The following PCDHA6 variants were observed in gnomAD, a reference collection of about 807,000 sequenced individuals.
The protein encoded by PCDHA6 is protocadherin alpha 6, also known as protocadherin alpha-6.
PCDHA6 carries 55 observed loss-of-function variants against 60.3 expected under a neutral mutation model. The ratio of observed to expected loss-of-function variants is 0.91; its 90% CI spans 0.73 to 1.14. The LOEUF is 1.14. Ranked by LOEUF, PCDHA6 falls within the 50% of genes most tolerant of loss-of-function variation. The probability of loss-of-function intolerance (pLI) is 0.00; values close to 1 mark genes in which losing one functional copy is unlikely to be tolerated. For missense variants in PCDHA6, 1,327 were observed against 1,256.5 expected (o/e 1.06, Z -0.85); for synonymous variants, 652 against 557.9 (o/e 1.17, Z -2.38).
At chr5:140,851,809 T>TA in intron 1 of PCDHA6, 1 of 948,344 alleles carries the variant, frequency 1.1e-6, no homozygotes, top group Non-Finnish European at 1.3e-6. Flanking sequence ...CAGTAATCCA[T>TA]AAGACAGAAA....
At chr5:140,897,086 T>G (rs527763854) in intron 1 of PCDHA6, among the ~76,000 whole-genome samples, 379 of 152,296 alleles carry the variant, frequency 2.5e-3, no homozygotes, top group African/African-American at 8.4e-3. Context: ...TTCTATTTTT[T>G]ATCCTCATTA....
At chr5:140,944,907 T>A (rs246063) in intron 1 of PCDHA6, among the ~76,000 whole-genome samples, 85,748 of 151,952 alleles carry the variant, frequency 0.56, 24,800 homozygotes, top group African/African-American at 0.69. Flanking sequence ...TTCCACAAAC[T>A]TCTCTTTATA....
Position 140,880,781 on chromosome 5 carries a change from G to C in PCDHA6, c.2394+50296G>C, listed in dbSNP as rs575201091. Reference sequence around the variant, plus strand: ...GTGTTGGAGGCTAAAAAGAATGTTAGAGGAGTAATATAAATAGGTGAATGA... The same window carrying C: ...GTGTTGGAGGCTAAAAAGAATGTTACAGGAGTAATATAAATAGGTGAATGA... On this transcript the variant is annotated intron_variant, in intron 1 of 3. Transcript: ENST00000529310. Among the ~76,000 whole-genome samples the C allele has an allele frequency of 5.9e-5, 9 of 152,346 alleles. No homozygotes were observed. In the East Asian group the frequency reaches 1.3e-3, roughly 23 times the overall value.
At chr5:140,920,093 T>C (rs1289681170) in intron 1 of PCDHA6, among the ~76,000 whole-genome samples, 1 of 152,176 alleles carries the variant, frequency 6.6e-6, no homozygotes, top group African/African-American at 2.4e-5. Flanking sequence ...GTAGAGCCTC[T>C]AAAGGGAGTG....
At chr5:140,860,259 A>T (rs559860776) in intron 1 of PCDHA6, 1 of 151,706 alleles carries the variant, frequency 6.6e-6, no homozygotes. Flanking sequence ...TTTAGTCCCT[A>T]CTGTAGTGCT....
chr5:140,890,192 T>G (rs2062533503), intron 1 of PCDHA6, among the ~76,000 whole-genome samples: 1 of 151,744 alleles, frequency 6.6e-6, no homozygotes, highest in South Asian at 2.1e-4. Flanking sequence ...CAAAACAGAG[T>G]TTTTTGTTTT....
chr5:140,849,613 G>C (rs2040993200), intron 1 of PCDHA6: 2 of 1,598,764 alleles, frequency 1.3e-6, no homozygotes, highest in Non-Finnish European at 1.7e-6. Context: ...GCCCTGATTA[G>C]TGTGATCGAC....
At chr5:140,861,303 GA>G in intron 1 of PCDHA6, 1 of 189,594 alleles carries the variant, frequency 5.3e-6, no homozygotes. Context: ...TGTGAAGCGG[GA>G]AAGGACCAGT....
Position 140,892,378 on chromosome 5 carries a change from A to G in PCDHA6, c.2394+61893A>G, listed in dbSNP as rs13360703. 4.7e-3 allele frequency among the ~76,000 whole-genome samples: 722 copies of G among 152,344 alleles called. 7 individuals are homozygous for G. Among genetic ancestry groups the G allele is most frequent in the African/African-American group, 0.016 (672 of 41,584 alleles). On this transcript the variant is annotated intron_variant, in intron 1 of 3. Coordinates refer to ENST00000529310, the MANE Select transcript of PCDHA6 (RefSeq NM_018909.4). Reference sequence around the variant, plus strand: ...CAGGCATCTTGGGGCACTAGCAATCATGGGTAATCTTAATCTATTTCAAGC... The same window carrying G: ...CAGGCATCTTGGGGCACTAGCAATCGTGGGTAATCTTAATCTATTTCAAGC...
intron 1 of PCDHA6, chr5:140,870,835 A>G (rs1304748663): frequency 1.9e-6 from 3 of 1,613,670 alleles, no homozygotes; most frequent in Admixed American, 3.3e-5. Context: ...CGCAGTTAAC[A>G]AGCTAGTACC....
intron 1 of PCDHA6, among the ~76,000 whole-genome samples, chr5:140,924,695 G>C (rs1190287077): frequency 2.6e-5 from 4 of 152,024 alleles, no homozygotes; most frequent in African/African-American, 9.7e-5. Context: ...AGGAGTTCGA[G>C]ACCAGCTTGT....
chr5:140,944,807 A>G (rs1472832230), intron 1 of PCDHA6, among the ~76,000 whole-genome samples: 1 of 152,214 alleles, frequency 6.6e-6, no homozygotes, highest in Non-Finnish European at 1.5e-5. Context: ...TCGAGGGTCC[A>G]CAGTGATCTT....
At chr5:140,836,424 C>G (rs2150260544) in intron 1 of PCDHA6, 1 of 1,613,814 alleles carries the variant, frequency 6.2e-7, no homozygotes, top group Non-Finnish European at 8.5e-7. Context: ...GGCGTCGTCG[C>G]GGGCATCGTT....
At chr5:141,005,687 G>A (rs1454342103) in intron 3 of PCDHA6, among the ~76,000 whole-genome samples, 3 of 116,164 alleles carry the variant, frequency 2.6e-5, no homozygotes, top group African/African-American at 7.0e-5. Context: ...GGGCGACAGA[G>A]CGAAACTCCG....
At chr5:140,956,212 C>A (rs246014) in intron 1 of PCDHA6, among the ~76,000 whole-genome samples, 85,603 of 151,956 alleles carry the variant, frequency 0.56, 24,735 homozygotes, top group African/African-American at 0.69. Context: ...AAGAGGGCAT[C>A]CTTGTCTTGT....
intron 1 of PCDHA6, among the ~76,000 whole-genome samples, chr5:140,894,013 T>G (rs1161643824): frequency 1.3e-5 from 2 of 152,232 alleles, no homozygotes; most frequent in African/African-American, 4.8e-5. Flanking sequence ...TGGTTCAAAT[T>G]ACCAGTTCTG....
At position 140,843,005 on chromosome 5, in the gene PCDHA6, G is replaced by C; in HGVS notation, c.2394+12520G>C. On this transcript the variant is annotated intron_variant, in intron 1 of 3. Transcript: ENST00000529310. ...GTTCGTGCTGGACGAGAATGACAAC[G>C]CGCCGGCACTGCTGGAGCCTCGGGT... The C allele has an allele frequency of 5.0e-6, 8 of 1,595,030 alleles. 1 individual carries two copies. The highest frequency in any genetic ancestry group is 1.1e-5 in the South Asian group (1 of 90,516).
At chr5:140,940,557 T>C (rs1554213484) in intron 1 of PCDHA6, among the ~76,000 whole-genome samples, 1 of 152,204 alleles carries the variant, frequency 6.6e-6, no homozygotes. Context: ...CAAGTGATTC[T>C]CCTACCTTGG....
rs2150350552 is a variant in PCDHA6 at position 140,843,029 on chromosome 5, G to A, written c.2394+12544G>A. ...CGCGCCGGCACTGCTGGAGCCTCGG[G>A]TGGGTGGCACTGGTGGCGCAGCGAG... On this transcript the variant is annotated intron_variant, in intron 1 of 3. Coordinates refer to ENST00000529310, the MANE Select transcript of PCDHA6 (RefSeq NM_018909.4). 4.4e-6 allele frequency: 7 copies of A among 1,595,258 alleles called. 1 individual carries two copies. Among genetic ancestry groups the A allele is most frequent in the Middle Eastern group, 1.7e-4 (1 of 5,902 alleles).
Sources: allele counts gnomAD v4.1 joint callset (sites outside exome capture counted in the v4.1 genomes callset), GRCh38; gene constraint gnomAD v4.1.1; transcripts MANE v1.5; gene names NCBI Gene and HGNC (gene_info 2026-07-23, HGNC 2026-07-21).